Variants in COL24A1 observed in about 807,000 individuals in gnomAD.
COL24A1 encodes the protein collagen type XXIV alpha 1 chain, also known as collagen alpha-1(XXIV) chain.
In COL24A1, 224 loss-of-function variants were observed where a neutral mutation model predicts 253.9. That is an observed-to-expected ratio of 0.88 (90% CI 0.79 to 0.99). The LOEUF (loss-of-function observed/expected upper bound fraction) is 0.99, where lower values mean the gene tolerates loss of function less well. COL24A1 is among the 50% of genes least tolerant of loss of function. The pLI is 0.00. For missense variants in COL24A1, 2,131 were observed against 2,068.5 expected (o/e 1.03, Z -0.59); for synonymous variants, 685 against 673.7 (o/e 1.02, Z -0.26).
intron 57 of COL24A1, among the ~76,000 whole-genome samples, chr1:85,738,466 A>G (rs1664284063): frequency 6.6e-6 from 1 of 152,198 alleles, no homozygotes; most frequent in African/African-American, 2.4e-5. Flanking sequence ...TGAGTGCCCA[A>G]GAGAATAAAA....
At chr1:85,779,865 T>G (rs1402417174) in intron 52 of COL24A1, among the ~76,000 whole-genome samples, 1 of 152,296 alleles carries the variant, frequency 6.6e-6, no homozygotes, top group African/African-American at 2.4e-5. Flanking sequence ...GAACTTTTCT[T>G]CTCAGAATGG....
intron 35 of COL24A1, among the ~76,000 whole-genome samples, chr1:85,871,920 A>G (rs906890038): frequency 2.6e-5 from 4 of 152,214 alleles, no homozygotes; most frequent in African/African-American, 7.2e-5. Context: ...CCCTGTTTGC[A>G]GATGACATGA....
chr1:86,058,081 A>C (rs1279553213), intron 9 of COL24A1, 106 bp from the exon 10 acceptor site: 2 of 831,796 alleles, frequency 2.4e-6, no homozygotes. Context: ...TCAAAACTAT[A>C]GAATTCAGAA....
intron 31 of COL24A1, among the ~76,000 whole-genome samples, chr1:85,892,050 C>A (rs190406912): frequency 1.3e-5 from 2 of 152,130 alleles, no homozygotes; most frequent in Non-Finnish European, 2.9e-5. Context: ...TAATAAATAT[C>A]ATTTGTTATA....
intron 47 of COL24A1, among the ~76,000 whole-genome samples, chr1:85,787,647 A>G (rs190268951): frequency 3.3e-5 from 5 of 152,138 alleles, no homozygotes; most frequent in Non-Finnish European, 5.9e-5. Flanking sequence ...TGCCTTTGCT[A>G]TTGTGAATGG....
chr1:85,982,555 C>T (rs10493779), intron 20 of COL24A1, among the ~76,000 whole-genome samples: 289 of 151,060 alleles, frequency 1.9e-3, no homozygotes, highest in African/African-American at 5.8e-3. Context: ...TTTTGTATCT[C>T]TCATCCCTCG....
chr1:86,074,448 T>C (rs539446261), intron 7 of COL24A1, among the ~76,000 whole-genome samples: 14 of 152,174 alleles, frequency 9.2e-5, no homozygotes, highest in Admixed American at 3.3e-4. Flanking sequence ...AGTACCCGGA[T>C]TCATAAAGCA....
intron 18 of COL24A1, among the ~76,000 whole-genome samples, chr1:86,019,051 T>C (rs1022947275): frequency 2.0e-5 from 3 of 152,190 alleles, no homozygotes; most frequent in African/African-American, 7.2e-5. Flanking sequence ...AAAAGTAGGA[T>C]CTATAAAATA....
Position 86,050,123 on chromosome 1 carries a change from C to A in COL24A1, c.1905+1G>T, listed in dbSNP as rs1235772640. On this transcript the variant is annotated splice_donor_variant, in intron 11 of 59. Coordinates refer to ENST00000370571, the MANE Select transcript of COL24A1 (RefSeq NM_152890.7). LOFTEE classifies it high-confidence loss of function. ...ATACTATTTGAAGGGAATGGACTTACCCGTTCTCCTTCAGGTCCCAGTTGT... is the reference window on the plus strand; with the variant it reads ...ATACTATTTGAAGGGAATGGACTTAACCGTTCTCCTTCAGGTCCCAGTTGT... The A allele has an allele frequency of 1.2e-6, 2 of 1,612,602 alleles. No individual in the cohort carries two copies. Among genetic ancestry groups the A allele is most frequent in the Non-Finnish European group, 8.5e-7 (1 of 1,178,908 alleles).
intron 47 of COL24A1, among the ~76,000 whole-genome samples, chr1:85,813,528 A>G (rs1201400510): frequency 7.9e-6 from 1 of 126,096 alleles, no homozygotes; most frequent in African/African-American, 3.1e-5. Context: ...AATCTCATTC[A>G]GGTCTTTTTT....
At position 85,889,522 on chromosome 1, in the gene COL24A1, A is replaced by C. The variant is rs759254317; in HGVS notation, c.2976+38T>G. The C allele has an allele frequency of 2.6e-6, 4 of 1,546,026 alleles. No individual in the cohort carries two copies. In the South Asian group the frequency reaches 3.4e-5, roughly 13 times the overall value. On this transcript the variant is annotated intron_variant, in intron 32 of 59. Transcript: ENST00000370571. ...AATGGAAATGTAAATGTATTTTATG[A>C]GAAAGACACAATTAGAAAAGTATAA... is the stretch of plus-strand genomic sequence containing the variant.
rs760884052 is a variant in COL24A1 at position 86,156,368 on chromosome 1, C to A, written c.29G>T (p.Arg10Leu). Residue 10 changes from arginine (R) to leucine (L), a missense_variant, in exon 1 of 60, where the codon CGT (arginine) becomes CTT (leucine). By Grantham distance (102) the Arg-to-Leu change is moderately radical (BLOSUM62 -2). Coordinates refer to ENST00000370571, the MANE Select transcript of COL24A1 (RefSeq NM_152890.7). Reference protein sequence around the residue: MHLRAHRTRRGKVSPTAKTK... With the variant: MHLRAHRTRLGKVSPTAKTK... The stretch of plus-strand genomic sequence containing the variant: ...TTTTGCCGTGGGGGAGACTTTTCCA[C>A]GCCTTGTTCTGTGGGCTCTTAAATG... 3 of 1,612,918 alleles carry A rather than the reference C, an allele frequency of 1.9e-6. No homozygotes were observed. Among genetic ancestry groups the A allele is most frequent in the South Asian group, 1.1e-5 (1 of 90,822 alleles).
At chr1:85,748,493 A>G (rs1665526895) in intron 55 of COL24A1, among the ~76,000 whole-genome samples, 1 of 152,234 alleles carries the variant, frequency 6.6e-6, no homozygotes, top group Admixed American at 6.5e-5. Flanking sequence ...AAATGAAATA[A>G]AACCATGTCT....
At chr1:85,964,444 G>A (rs769582122) in intron 23 of COL24A1, among the ~76,000 whole-genome samples, 1 of 152,068 alleles carries the variant, frequency 6.6e-6, no homozygotes, top group African/African-American at 2.4e-5. Context: ...TAATGTTATA[G>A]AAACTTGCAC....
At chr1:85,817,898 G>T in intron 46 of COL24A1, 136 bp downstream of exon 46, 2 of 721,362 alleles carry the variant, frequency 2.8e-6, no homozygotes, top group Non-Finnish European at 4.8e-6. Context: ...CTGTGTTCCA[G>T]CATGGGTTTA....
chr1:86,001,705 A>C (rs1013134737), intron 19 of COL24A1, among the ~76,000 whole-genome samples: 1 of 152,160 alleles, frequency 6.6e-6, no homozygotes, highest in African/African-American at 2.4e-5. Flanking sequence ...AAAAAAGAGC[A>C]CACCGATTGT....
intron 41 of COL24A1, 32 bp downstream of exon 41, chr1:85,842,036 T>G: frequency 6.3e-7 from 1 of 1,587,264 alleles, no homozygotes; most frequent in Non-Finnish European, 8.6e-7. Context: ...AATGTTTAAC[T>G]TTAAGATTAA....
chr1:86,092,902 T>A (rs1410762906), intron 5 of COL24A1, among the ~76,000 whole-genome samples: 1 of 151,998 alleles, frequency 6.6e-6, no homozygotes. Flanking sequence ...TCAAGATAAA[T>A]ATGACATTAG....
chr1:85,775,247 G>T (rs1252113869), intron 53 of COL24A1, among the ~76,000 whole-genome samples: 6 of 152,032 alleles, frequency 3.9e-5, no homozygotes, highest in Non-Finnish European at 5.9e-5. Flanking sequence ...AGTTTGTTGT[G>T]ATTTCTGTTC....
Sources: allele counts gnomAD v4.1 joint callset (sites outside exome capture counted in the v4.1 genomes callset), GRCh38; gene constraint gnomAD v4.1.1; transcripts MANE v1.5; gene names NCBI Gene and HGNC (gene_info 2026-07-23, HGNC 2026-07-21).